TMEM132C: variants seen among roughly 807,000 people sequenced by gnomAD.
TMEM132C encodes the protein transmembrane protein 132C.
A neutral mutation model predicts 61.4 loss-of-function variants in TMEM132C; 29 were observed. The observed-to-expected ratio is 0.47, with a 90% CI of 0.35 to 0.64. The LOEUF (loss-of-function observed/expected upper bound fraction) is 0.64. Ranked by LOEUF, TMEM132C falls within the 30% of genes least tolerant of loss-of-function variation. The probability of loss-of-function intolerance (pLI) is 0.00; values close to 1 mark genes in which losing one functional copy is unlikely to be tolerated. For synonymous variants in TMEM132C, 656 were observed against 633.1 expected (o/e 1.04, Z -0.54); for missense variants, 1,408 against 1,476.9 (o/e 0.95, Z 0.76).
At chr12:128,485,423 C>G (rs1871454818) in intron 2 of TMEM132C, among the ~76,000 whole-genome samples, 1 of 152,116 alleles carries the variant, frequency 6.6e-6, no homozygotes, top group Non-Finnish European at 1.5e-5. Flanking sequence ...GTGATTCGCC[C>G]ACCTCGGCCT....
intron 3 of TMEM132C, among the ~76,000 whole-genome samples, chr12:128,601,904 G>A (rs989638874): frequency 3.9e-5 from 6 of 152,122 alleles, no homozygotes; most frequent in African/African-American, 1.2e-4. Flanking sequence ...TATGGTGACC[G>A]ATTGCTTGCT....
chr12:128,271,145 T>A (rs1870500681), intron 1 of TMEM132C, among the ~76,000 whole-genome samples: 1 of 151,876 alleles, frequency 6.6e-6, no homozygotes, highest in South Asian at 2.1e-4. Flanking sequence ...TCCCAGCTAC[T>A]CGGGAGACTG....
At position 128,416,484 on chromosome 12, in the gene TMEM132C, TAAG is replaced by T. The variant is rs1490886569; in HGVS notation, c.974+868_974+870del. On this transcript the variant is annotated intron_variant, in intron 2 of 8. Coordinates refer to ENST00000435159, the MANE Select transcript of TMEM132C (RefSeq NM_001136103.3). ...AAAAATGTTTTTTTCTTGTTATAGT[TAAG>T]AAGGAGTTAGGTTGTAATTGCAGCT... 2.6e-5 allele frequency among the ~76,000 whole-genome samples: 4 copies of T among 152,360 alleles called. No individual in the cohort carries two copies. In the East Asian group the frequency reaches 5.8e-4, roughly 22 times the overall value.
Position 128,563,201 on chromosome 12 carries a change from T to C in TMEM132C, c.1121+19098T>C, listed in dbSNP as rs114937981. Among the ~76,000 whole-genome samples the C allele has an allele frequency of 1.4e-3, 206 of 152,370 alleles. 1 individual carries two copies. The highest frequency in any genetic ancestry group is 4.8e-3 in the African/African-American group (201 of 41,586). On this transcript the variant is annotated intron_variant, in intron 3 of 8. Coordinates refer to ENST00000435159, the MANE Select transcript of TMEM132C (RefSeq NM_001136103.3). Reference sequence around the variant, plus strand: ...GAAGAAGGGGACAGCTGATAGTCTCTACTCAAATTCAAGTACAAATCTGAA... The same window carrying C: ...GAAGAAGGGGACAGCTGATAGTCTCCACTCAAATTCAAGTACAAATCTGAA...
At chr12:128,574,093 T>C (rs2136174705) in intron 3 of TMEM132C, among the ~76,000 whole-genome samples, 1 of 152,138 alleles carries the variant, frequency 6.6e-6, no homozygotes, top group South Asian at 2.1e-4. Context: ...GCCTGCCCCA[T>C]TTGGAACCCA....
intron 4 of TMEM132C, among the ~76,000 whole-genome samples, chr12:128,661,006 A>G (rs1389208749): frequency 6.6e-6 from 1 of 152,214 alleles, no homozygotes; most frequent in African/African-American, 2.4e-5. Context: ...GACAGACTAG[A>G]TAGATGACAG....
At chr12:128,299,195 A>G (rs1187763105) in intron 1 of TMEM132C, among the ~76,000 whole-genome samples, 1 of 152,180 alleles carries the variant, frequency 6.6e-6, no homozygotes, top group Non-Finnish European at 1.5e-5. Context: ...TACTAGAGAT[A>G]TTGGTCATGA....
intron 1 of TMEM132C, among the ~76,000 whole-genome samples, chr12:128,330,616 A>C (rs567888322): frequency 6.6e-6 from 1 of 152,318 alleles, no homozygotes; most frequent in South Asian, 2.1e-4. Flanking sequence ...CATTTTATTC[A>C]TTTTATAGAT....
chr12:128,378,350 T>C (rs1874279570), intron 1 of TMEM132C, among the ~76,000 whole-genome samples: 1 of 152,078 alleles, frequency 6.6e-6, no homozygotes, highest in Non-Finnish European at 1.5e-5. Flanking sequence ...TCTCCTGACT[T>C]CATGATCCGC....
chr12:128,702,470 T>C (rs1954810891), intron 8 of TMEM132C, among the ~76,000 whole-genome samples: 1 of 152,320 alleles, frequency 6.6e-6, no homozygotes, highest in East Asian at 1.9e-4. Flanking sequence ...CTTTGGAGTC[T>C]TCTATGATCT....
intron 4 of TMEM132C, among the ~76,000 whole-genome samples, chr12:128,657,227 T>C (rs1459307115): frequency 6.6e-6 from 1 of 152,202 alleles, no homozygotes; most frequent in Admixed American, 6.5e-5. Flanking sequence ...TTGTTTTCTG[T>C]CCTTCTCCTC....
chr12:128,299,223 G>A (rs1181913258), intron 1 of TMEM132C, among the ~76,000 whole-genome samples: 1 of 152,108 alleles, frequency 6.6e-6, no homozygotes, highest in Non-Finnish European at 1.5e-5. Flanking sequence ...TGTCCCAGGG[G>A]CTCTGTGCTG....
At chr12:128,517,341 G>A (rs1262679773) in intron 2 of TMEM132C, among the ~76,000 whole-genome samples, 1 of 151,604 alleles carries the variant, frequency 6.6e-6, no homozygotes, top group Non-Finnish European at 1.5e-5. Context: ...AGGCTGAGGT[G>A]GAGGAATCAC....
intron 2 of TMEM132C, among the ~76,000 whole-genome samples, chr12:128,458,260 A>G (rs376816086): frequency 1.8e-5 from 2 of 110,940 alleles, no homozygotes; most frequent in South Asian, 2.6e-4. Flanking sequence ...ATTTAGTATT[A>G]TAATTATATA....
chr12:128,596,669 G>A (rs988528314), intron 3 of TMEM132C, among the ~76,000 whole-genome samples: 5 of 149,846 alleles, frequency 3.3e-5, no homozygotes, highest in African/African-American at 4.9e-5. Flanking sequence ...TGGTACAGAG[G>A]CAGCAGGGCT....
chr12:128,335,109 T>C (rs1872761548), intron 1 of TMEM132C, among the ~76,000 whole-genome samples: 1 of 152,226 alleles, frequency 6.6e-6, no homozygotes, highest in South Asian at 2.1e-4. Context: ...GATTTGCATA[T>C]GTGAATTCAT....
At chr12:128,424,383 C>G (rs185040184) in intron 2 of TMEM132C, among the ~76,000 whole-genome samples, 1 of 150,504 alleles carries the variant, frequency 6.6e-6, no homozygotes, top group African/African-American at 2.5e-5. Context: ...ATATATTATT[C>G]AGCCATAAAA....
At chr12:128,604,968 A>G (rs1194565321) in intron 3 of TMEM132C, among the ~76,000 whole-genome samples, 1 of 132,314 alleles carries the variant, frequency 7.6e-6, no homozygotes, top group Non-Finnish European at 1.6e-5. Context: ...TAAATAATAG[A>G]TGGGTAGATG....
At chr12:128,376,447 A>G (rs923444128) in intron 1 of TMEM132C, among the ~76,000 whole-genome samples, 6 of 152,218 alleles carry the variant, frequency 3.9e-5, no homozygotes, top group Non-Finnish European at 8.8e-5. Context: ...CTCTTGTTAT[A>G]AAGTGTCAAC....
Sources: allele counts gnomAD v4.1 joint callset (sites outside exome capture counted in the v4.1 genomes callset), GRCh38; gene constraint gnomAD v4.1.1; transcripts MANE v1.5; gene names NCBI Gene and HGNC (gene_info 2026-07-23, HGNC 2026-07-21).